The following IK variants were observed in gnomAD, a reference collection of about 807,000 sequenced individuals.
The protein encoded by IK is protein Red.
Under a neutral mutation model 90.9 loss-of-function variants are expected in IK, and 47 were observed. That is an observed-to-expected ratio of 0.52 (90% CI 0.41 to 0.66). The LOEUF (loss-of-function observed/expected upper bound fraction) is 0.66. Among genes scored for constraint, IK ranks in the 30% least tolerant of loss-of-function variants. The pLI is 0.00. For missense variants in IK, 385 were observed against 709.3 expected (o/e 0.54, Z 5.19); for synonymous variants, 201 against 227.5 (o/e 0.88, Z 1.05).
chr5:140,651,954 G>A, intron 3 of IK, 134 bp from the exon 4 acceptor site: 3 of 832,848 alleles, frequency 3.6e-6, no homozygotes, highest in Admixed American at 2.1e-5. Flanking sequence ...AAATATTGGT[G>A]TGGATTTCTG....
intron 13 of IK, among the ~76,000 whole-genome samples, 194 bp from the exon 14 acceptor site, chr5:140,659,562 G>C (rs1051699893): frequency 1.3e-5 from 2 of 152,140 alleles, no homozygotes; most frequent in Non-Finnish European, 2.9e-5. Flanking sequence ...GAGGAGGTGA[G>C]GTAGAGGTCA....
At position 140,648,032 on chromosome 5, in the gene IK, G is replaced by A. The variant is rs940896389; in HGVS notation, c.16+108G>A. 32 of 1,059,704 alleles carry A rather than the reference G, an allele frequency of 3.0e-5. No individual in the cohort carries two copies. In the African/African-American group the frequency reaches 5.3e-4, roughly 18 times the overall value. The allele number at this position is 1,059,704 out of a possible 1,614,324, so 65.6% of individuals were successfully genotyped here. On this transcript the variant is annotated intron_variant, in intron 1 of 19. Coordinates refer to ENST00000417647, the MANE Select transcript of IK (RefSeq NM_006083.4). The stretch of plus-strand genomic sequence containing the variant: ...GGTGTGTGTGTGTGTGTGTGTGTGT[G>A]TGTGTGTGTGTGTATGTATGTATGT...
At chr5:140,660,886 C>A in intron 16 of IK, 71 bp downstream of exon 16, 1 of 1,204,294 alleles carries the variant, frequency 8.3e-7, no homozygotes, top group South Asian at 1.2e-5. Context: ...TCCTTCCCCA[C>A]TCCTAAAAAA....
chr5:140,660,271 C>G, intron 15 of IK, 76 bp downstream of exon 15: 3 of 684,488 alleles, frequency 4.4e-6, no homozygotes, highest in South Asian at 1.5e-5. Context: ...AAATTTGATT[C>G]GCTAAGTCCC....
In IK at chr5:140,653,805, A is replaced by G. The variant is rs540231962; in HGVS notation, c.405-133A>G. The G allele has an allele frequency of 1.4e-4, 81 of 586,248 alleles. No homozygotes were observed. In the East Asian group the frequency reaches 2.1e-3, roughly 15 times the overall value. 36.3% of individuals were successfully genotyped at this position (586,248 alleles called of 1,614,324 possible). ...TTTTTAGTAGAGATGGGGTTTCACC[A>G]TATCCACCAGGCTGGTCTCAAACTC... On this transcript the variant is annotated intron_variant, in intron 5 of 19. Coordinates refer to ENST00000417647, the MANE Select transcript of IK (RefSeq NM_006083.4).
At chr5:140,650,165 T>C (rs1428149011) in intron 2 of IK, among the ~76,000 whole-genome samples, 1 of 152,236 alleles carries the variant, frequency 6.6e-6, no homozygotes, top group African/African-American at 2.4e-5. Context: ...AGTAATTTTC[T>C]ATAAATTCTC....
chr5:140,660,735 G>GT, intron 15 of IK, 23 bp from the exon 16 acceptor site: 1 of 1,606,030 alleles, frequency 6.2e-7, no homozygotes, highest in South Asian at 1.1e-5. Context: ...TGCAACATCT[G>GT]TTTAACTCTT....
intron 5 of IK, 145 bp from the exon 6 acceptor site, chr5:140,653,793 T>C (rs1455864124): frequency 2.9e-5 from 16 of 559,924 alleles, no homozygotes; most frequent in South Asian, 1.6e-4. Flanking sequence ...TTAGTAGAGA[T>C]GGGGTTTCAC....
At chr5:140,659,903 C>T (rs1757773147) in intron 14 of IK, 69 bp downstream of exon 14, 1 of 1,123,316 alleles carries the variant, frequency 8.9e-7, no homozygotes, top group African/African-American at 1.5e-5. Context: ...CCCCCTGCCT[C>T]CCTGCTCCCT....
intron 5 of IK, among the ~76,000 whole-genome samples, chr5:140,653,704 A>G (rs1296639042): frequency 1.4e-5 from 2 of 146,034 alleles, no homozygotes; most frequent in African/African-American, 5.1e-5. Flanking sequence ...TCCCATGTTC[A>G]GGCGATTCTC....
At chr5:140,648,022 G>GTC (rs1352925233) in intron 1 of IK, 98 bp downstream of exon 1, 1 of 959,676 alleles carries the variant, frequency 1.0e-6, no homozygotes, top group Non-Finnish European at 1.7e-6. Flanking sequence ...GTGTGTGTGT[G>GTC]TGTGTGTGTG....
At chr5:140,660,002 C>T in intron 14 of IK, 113 bp from the exon 15 acceptor site, 2 of 994,210 alleles carry the variant, frequency 2.0e-6, no homozygotes, top group South Asian at 1.4e-5. Context: ...CATAACAGCT[C>T]ACAGCCCACT....
chr5:140,656,394 C>T (rs1396041815), intron 9 of IK, among the ~76,000 whole-genome samples: 1 of 152,132 alleles, frequency 6.6e-6, no homozygotes, highest in Non-Finnish European at 1.5e-5. Flanking sequence ...GGTTTTACCA[C>T]GTTGGCTAGG....
chr5:140,652,360 C>G (rs1293111211), intron 4 of IK, among the ~76,000 whole-genome samples: 2 of 152,002 alleles, frequency 1.3e-5, no homozygotes, highest in East Asian at 1.9e-4. Context: ...GGTGGATAAC[C>G]TAGACATTTG....
chr5:140,652,515 C>T (rs532389816), intron 4 of IK, among the ~76,000 whole-genome samples: 3 of 152,216 alleles, frequency 2.0e-5, no homozygotes, highest in Non-Finnish European at 2.9e-5. Flanking sequence ...TAAATCTTGA[C>T]GGCCATCATC....
intron 8 of IK, among the ~76,000 whole-genome samples, chr5:140,655,448 T>A (rs1285965823): frequency 6.6e-6 from 1 of 152,258 alleles, no homozygotes; most frequent in East Asian, 1.9e-4. Flanking sequence ...GTAGTAGAGC[T>A]GTTTTTTCCA....
intron 4 of IK, 73 bp from the exon 5 acceptor site, chr5:140,652,904 A>G (rs1757639793): frequency 7.0e-7 from 1 of 1,430,216 alleles, no homozygotes. Context: ...GTAGGGAAGC[A>G]AGCAGGAACA....
intron 4 of IK, among the ~76,000 whole-genome samples, chr5:140,652,700 A>G (rs919613851): frequency 1.3e-5 from 2 of 152,204 alleles, no homozygotes; most frequent in Non-Finnish European, 2.9e-5. Flanking sequence ...TCTTATATCT[A>G]TAGAGAATTG....
intron 2 of IK, among the ~76,000 whole-genome samples, chr5:140,650,087 C>T (rs781316802): frequency 3.3e-5 from 5 of 152,156 alleles, no homozygotes; most frequent in African/African-American, 4.8e-5. Context: ...CATCCGTGGC[C>T]TGCTGAGCAC....
Sources: gnomAD v4.1 joint callset for allele counts (sites outside exome capture counted in the v4.1 genomes callset) on GRCh38, gnomAD v4.1.1 for gene constraint, MANE v1.5 for transcripts, NCBI Gene and HGNC (gene_info 2026-07-23, HGNC 2026-07-21) for gene names.